GTF2I: variants seen among roughly 807,000 people sequenced by gnomAD.
GTF2I encodes the protein general transcription factor II-I.
In GTF2I, 12 loss-of-function variants were observed where a neutral mutation model predicts 67.6. The ratio of observed to expected loss-of-function variants is 0.18; its 90% CI spans 0.11 to 0.29. The LOEUF (loss-of-function observed/expected upper bound fraction) is 0.29. Ranked by LOEUF, GTF2I falls within the 10% of genes least tolerant of loss-of-function variation. The pLI is 1.00. For missense variants in GTF2I, 271 were observed against 580.1 expected (o/e 0.47, Z 5.47); for synonymous variants, 149 against 197.0 (o/e 0.76, Z 2.04).
chr7:74,723,304 T>C (rs1157362037), intron 12 of GTF2I, among the ~76,000 whole-genome samples: 2 of 151,764 alleles, frequency 1.3e-5, no homozygotes, highest in Admixed American at 6.6e-5. Context: ...TTTTTTTGTA[T>C]TTTTAGTAGA....
chr7:74,665,725 C>T (rs1383146497), intron 1 of GTF2I, among the ~76,000 whole-genome samples: 4 of 152,188 alleles, frequency 2.6e-5, no homozygotes, highest in Admixed American at 6.6e-5. Flanking sequence ...GAAAATTTTA[C>T]TAGTAATATC....
intron 3 of GTF2I, among the ~76,000 whole-genome samples, chr7:74,694,233 G>A (rs1045588089): frequency 6.6e-6 from 1 of 152,196 alleles, no homozygotes; most frequent in African/African-American, 2.4e-5. Context: ...GCTGAGATGG[G>A]TGAGGAAGCT....
chr7:74,726,442 G>T (rs1554405684), intron 12 of GTF2I: 1 of 152,100 alleles, frequency 6.6e-6, no homozygotes. Context: ...TTCTACTTAG[G>T]TTGGAACCTT....
intron 12 of GTF2I, among the ~76,000 whole-genome samples, chr7:74,720,488 TATA>T (rs1331905097): frequency 6.6e-6 from 1 of 152,180 alleles, no homozygotes; most frequent in Non-Finnish European, 1.5e-5. Flanking sequence ...TTTTCATAAA[TATA>T]ATTTTTCTAA....
intron 1 of GTF2I, among the ~76,000 whole-genome samples, chr7:74,659,687 C>T (rs1319793464): frequency 6.6e-6 from 1 of 152,152 alleles, no homozygotes; most frequent in African/African-American, 2.4e-5. Flanking sequence ...CGTGAGCCAC[C>T]GCCCTGGGTC....
chr7:74,690,364 A>G (rs1385900072), intron 2 of GTF2I, among the ~76,000 whole-genome samples: 3 of 152,198 alleles, frequency 2.0e-5, no homozygotes, highest in Admixed American at 6.5e-5. Flanking sequence ...GGAATACTAT[A>G]TACTCTGTAA....
At chr7:74,675,557 TG>T (rs1306094934) in intron 1 of GTF2I, among the ~76,000 whole-genome samples, 14 of 151,746 alleles carry the variant, frequency 9.2e-5, no homozygotes, top group South Asian at 2.1e-4. Flanking sequence ...CTGTTTTTTT[TG>T]GGGGGGGCAG....
At chr7:74,693,910 A>C (rs994873159) in intron 3 of GTF2I, among the ~76,000 whole-genome samples, 3 of 152,172 alleles carry the variant, frequency 2.0e-5, no homozygotes, top group Non-Finnish European at 4.4e-5. Context: ...TTCAAGTGAA[A>C]GGAAGACTTG....
Position 74,713,698 on chromosome 7 carries a change from CAT to C in GTF2I, c.764-1157_764-1156del, listed in dbSNP as rs202020780. On this transcript the variant is annotated intron_variant, in intron 9 of 34. Transcript: ENST00000573035. The stretch of plus-strand genomic sequence containing the variant: ...TTAGACCAGAATATTGAGAATGCCA[CAT>C]AGTTAAACTTGTGAAGAGCAACTAA... Among the ~76,000 whole-genome samples the C allele has an allele frequency of 5.2e-3, 787 of 152,246 alleles. 9 individuals are homozygous for C. Among genetic ancestry groups the C allele is most frequent in the African/African-American group, 0.017 (726 of 41,560 alleles).
chr7:74,723,864 A>AT (rs1554405153), intron 12 of GTF2I, among the ~76,000 whole-genome samples: 4 of 152,094 alleles, frequency 2.6e-5, no homozygotes, highest in Non-Finnish European at 5.9e-5. Flanking sequence ...GAAAAAAAAA[A>AT]AAAGAGAAGA....
chr7:74,665,004 C>T (rs1346787024), intron 1 of GTF2I, among the ~76,000 whole-genome samples: 1 of 149,778 alleles, frequency 6.7e-6, no homozygotes, highest in Non-Finnish European at 1.5e-5. Context: ...TGTAGTGGCG[C>T]GCCTGGCTCA....
At chr7:74,731,191 CAT>C (rs1167483211) in intron 14 of GTF2I, among the ~76,000 whole-genome samples, 2 of 146,662 alleles carry the variant, frequency 1.4e-5, no homozygotes, top group Admixed American at 1.4e-4. Context: ...TTATTTTTAT[CAT>C]ATTTATTATC....
At chr7:74,691,748 CT>C (rs1334031682) in intron 3 of GTF2I, among the ~76,000 whole-genome samples, 2 of 151,468 alleles carry the variant, frequency 1.3e-5, no homozygotes, top group Non-Finnish European at 2.9e-5. Flanking sequence ...TAGGTTAAAA[CT>C]TTTACTCAGA....
intron 3 of GTF2I, among the ~76,000 whole-genome samples, chr7:74,696,230 C>T (rs1272839613): frequency 6.6e-6 from 1 of 152,102 alleles, no homozygotes; most frequent in African/African-American, 2.4e-5. Context: ...GATCCACCCA[C>T]CTTGGCCTCC....
Position 74,667,222 on chromosome 7 carries a change from A to G in GTF2I, c.-6+9154A>G, listed in dbSNP as rs587767561. On this transcript the variant is annotated intron_variant, in intron 1 of 34. Transcript: ENST00000573035. ...GCTGGGAGTGGTGACAGGTGCCTGT[A>G]ATGCCAGCTGCTTGAGTGGCTGAGG... 3.8e-3 allele frequency among the ~76,000 whole-genome samples: 576 copies of G among 152,260 alleles called. 2 individuals are homozygous for G. Among genetic ancestry groups the G allele is most frequent in the South Asian group, 9.4e-3 (45 of 4,812 alleles).
At chr7:74,684,615 G>A (rs2527366) in intron 1 of GTF2I, 91,929 of 152,210 alleles carry the variant, frequency 0.6, 29,655 homozygotes, top group East Asian at 0.9. Flanking sequence ...CTCTTGGGAT[G>A]GGCAAAGAAC....
At chr7:74,725,564 C>T (rs1554405521) in intron 12 of GTF2I, among the ~76,000 whole-genome samples, 1 of 149,478 alleles carries the variant, frequency 6.7e-6, no homozygotes, top group Non-Finnish European at 1.5e-5. Context: ...CGTGGTGGTG[C>T]AGGCCTGTAG....
At chr7:74,716,226 ACTT>A (rs1792245645) in intron 10 of GTF2I, among the ~76,000 whole-genome samples, 1 of 151,976 alleles carries the variant, frequency 6.6e-6, no homozygotes, top group Non-Finnish European at 1.5e-5. Flanking sequence ...TGTGAGTAAA[ACTT>A]CTGCTCTAGT....
At chr7:74,750,620 T>TTG (rs1202341931) in intron 26 of GTF2I, among the ~76,000 whole-genome samples, 1 of 112,098 alleles carries the variant, frequency 8.9e-6, no homozygotes, top group Admixed American at 1.0e-4. Flanking sequence ...TTTTTTTTTT[T>TTG]TGTGAGACAG....
Sources: gnomAD v4.1 joint callset for allele counts (sites outside exome capture counted in the v4.1 genomes callset) on GRCh38, gnomAD v4.1.1 for gene constraint, MANE v1.5 for transcripts, NCBI Gene and HGNC (gene_info 2026-07-23, HGNC 2026-07-21) for gene names.